The following MAGI1 variants were observed in gnomAD, a reference collection of about 807,000 sequenced individuals.
MAGI1 encodes membrane-associated guanylate kinase, WW and PDZ domain-containing protein 1.
In MAGI1, 58 loss-of-function variants were observed where a neutral mutation model predicts 139.9. The observed-to-expected ratio is 0.41, with a 90% CI of 0.34 to 0.52. The LOEUF (loss-of-function observed/expected upper bound fraction) is 0.52. MAGI1 is among the 20% of genes least tolerant of loss of function. The pLI, the probability that MAGI1 is intolerant of heterozygous loss-of-function variation, is 0.12. For missense variants in MAGI1, 1,874 were observed against 1,901.6 expected (o/e 0.99, Z 0.27); for synonymous variants, 812 against 737.9 (o/e 1.10, Z -1.63).
At chr3:65,549,911 A>G (rs995040838) in intron 2 of MAGI1, among the ~76,000 whole-genome samples, 12 of 152,060 alleles carry the variant, frequency 7.9e-5, no homozygotes, top group African/African-American at 2.9e-4. Context: ...CATCACCACT[A>G]TTTTACTTAT....
chr3:65,747,076 C>A lies in MAGI1; in HGVS notation c.314-124988G>T, dbSNP rs149693042. 4.1e-3 allele frequency among the ~76,000 whole-genome samples: 620 copies of A among 152,150 alleles called. 8 individuals are homozygous for A. Among genetic ancestry groups the A allele is most frequent in the African/African-American group, 0.014 (584 of 41,512 alleles). ...AGCTATTCAGGAGGCTGAGGCAGGA[C>A]GAATGTGTGAGGCCAGGAAGTCAAA... On this transcript the variant is annotated intron_variant, in intron 1 of 22. Coordinates refer to ENST00000402939, the MANE Select transcript of MAGI1 (RefSeq NM_001033057.2).
At chr3:65,984,458 T>C (rs1267600363) in intron 1 of MAGI1, among the ~76,000 whole-genome samples, 3 of 152,002 alleles carry the variant, frequency 2.0e-5, no homozygotes, top group African/African-American at 2.4e-5. Flanking sequence ...TGCATGTTCA[T>C]ATTTCCCCTC....
intron 2 of MAGI1, among the ~76,000 whole-genome samples, chr3:65,499,392 G>A (rs577680062): frequency 6.6e-6 from 1 of 152,316 alleles, no homozygotes; most frequent in East Asian, 1.9e-4. Context: ...GCTCATGCCT[G>A]TAATCCCAAC....
At chr3:65,673,000 G>A (rs1042707670) in intron 1 of MAGI1, among the ~76,000 whole-genome samples, 9 of 152,024 alleles carry the variant, frequency 5.9e-5, no homozygotes, top group South Asian at 2.1e-4. Context: ...CAGGTTCTGC[G>A]AAGGTGAGTA....
At chr3:65,929,848 G>A (rs1283967610) in intron 1 of MAGI1, among the ~76,000 whole-genome samples, 2 of 152,124 alleles carry the variant, frequency 1.3e-5, no homozygotes, top group Admixed American at 1.3e-4. Context: ...CTGTGGAATG[G>A]AGAGTGGGCT....
At chr3:65,809,432 T>C (rs944076590) in intron 1 of MAGI1, among the ~76,000 whole-genome samples, 2 of 152,126 alleles carry the variant, frequency 1.3e-5, no homozygotes, top group Non-Finnish European at 2.9e-5. Context: ...CAAGTTCCTA[T>C]AGAAATAATA....
chr3:65,484,122 A>G (rs1190067481), intron 3 of MAGI1, among the ~76,000 whole-genome samples: 1 of 152,244 alleles, frequency 6.6e-6, no homozygotes, highest in Non-Finnish European at 1.5e-5. Context: ...GTCAAGCTTC[A>G]ATGTGCAAAC....
intron 18 of MAGI1, among the ~76,000 whole-genome samples, chr3:65,367,574 G>C (rs2291129): frequency 0.08 from 12,242 of 152,156 alleles, 1,060 homozygotes; most frequent in African/African-American, 0.21. Flanking sequence ...CAAGCACTGT[G>C]CTAAGTCCAT....
intron 1 of MAGI1, among the ~76,000 whole-genome samples, chr3:65,926,668 C>T (rs991453284): frequency 2.0e-5 from 3 of 152,138 alleles, no homozygotes; most frequent in African/African-American, 7.2e-5. Flanking sequence ...TGACAGTTTA[C>T]AAATGCCATG....
At chr3:65,601,155 G>A (rs1209647857) in intron 2 of MAGI1, among the ~76,000 whole-genome samples, 1 of 152,148 alleles carries the variant, frequency 6.6e-6, no homozygotes, top group Non-Finnish European at 1.5e-5. Flanking sequence ...TGCTTGCTCT[G>A]CATATGTTTT....
At chr3:65,915,522 G>T (rs2061856329) in intron 1 of MAGI1, among the ~76,000 whole-genome samples, 1 of 152,120 alleles carries the variant, frequency 6.6e-6, no homozygotes, top group African/African-American at 2.4e-5. Context: ...AATTGTTTGG[G>T]TCTTTTTCTT....
intron 1 of MAGI1, among the ~76,000 whole-genome samples, chr3:65,996,011 A>G (rs1012407666): frequency 6.6e-6 from 1 of 152,114 alleles, no homozygotes; most frequent in African/African-American, 2.4e-5. Flanking sequence ...AAACAAAACA[A>G]AACAAAAACG....
intron 5 of MAGI1, among the ~76,000 whole-genome samples, chr3:65,466,698 T>A (rs919189721): frequency 5.9e-5 from 9 of 152,188 alleles, no homozygotes; most frequent in Non-Finnish European, 1.2e-4. Context: ...GTTTCATTAC[T>A]GCCAGGTGGG....
At chr3:65,441,329 C>T (rs1407578055) in intron 8 of MAGI1, among the ~76,000 whole-genome samples, 4 of 152,062 alleles carry the variant, frequency 2.6e-5, no homozygotes, top group Non-Finnish European at 5.9e-5. Flanking sequence ...TTATTTAGAA[C>T]TCTAAGTTTT....
intron 12 of MAGI1, among the ~76,000 whole-genome samples, chr3:65,418,378 G>T: frequency 6.6e-6 from 1 of 152,254 alleles, no homozygotes; most frequent in East Asian, 1.9e-4. Flanking sequence ...ATGGAAAGAG[G>T]CTTGTGGCTA....
At chr3:65,755,168 A>T (rs1021744149) in intron 1 of MAGI1, among the ~76,000 whole-genome samples, 1 of 151,984 alleles carries the variant, frequency 6.6e-6, no homozygotes, top group Non-Finnish European at 1.5e-5. Context: ...GGCTGGTCTC[A>T]AACTGCTGAC....
At chr3:65,716,127 T>C (rs1006342711) in intron 1 of MAGI1, among the ~76,000 whole-genome samples, 4 of 152,212 alleles carry the variant, frequency 2.6e-5, no homozygotes, top group African/African-American at 4.8e-5. Flanking sequence ...CATCCTCTTG[T>C]CCTCAACTTA....
chr3:65,624,975 C>T (rs1197477020), intron 1 of MAGI1, among the ~76,000 whole-genome samples: 5 of 152,090 alleles, frequency 3.3e-5, no homozygotes, highest in African/African-American at 4.8e-5. Context: ...CAGACTCAAG[C>T]GATTTTCATG....
At chr3:65,495,185 T>G (rs1394010418) in intron 2 of MAGI1, among the ~76,000 whole-genome samples, 2 of 152,190 alleles carry the variant, frequency 1.3e-5, no homozygotes, top group African/African-American at 4.8e-5. Context: ...AGGTTCATGG[T>G]CTGCCTCTCC....
Sources: gnomAD v4.1 joint callset for allele counts (sites outside exome capture counted in the v4.1 genomes callset) on GRCh38, gnomAD v4.1.1 for gene constraint, MANE v1.5 for transcripts, NCBI Gene and HGNC (gene_info 2026-07-23, HGNC 2026-07-21) for gene names.